Variants in EYS observed in about 807,000 individuals in gnomAD.
The protein encoded by EYS is protein eyes shut homolog.
Under a neutral mutation model 282.1 loss-of-function variants are expected in EYS, and 250 were observed. The observed-to-expected ratio is 0.89, with a 90% CI of 0.80 to 0.98. The LOEUF (loss-of-function observed/expected upper bound fraction) is 0.98, where lower values mean the gene tolerates loss of function less well. Among genes scored for constraint, EYS ranks in the 50% least tolerant of loss-of-function variants. The probability of loss-of-function intolerance (pLI) is 0.00; values close to 1 mark genes in which losing one functional copy is unlikely to be tolerated. For missense variants in EYS, 4,016 were observed against 3,709.0 expected (o/e 1.08, Z -2.15); for synonymous variants, 1,355 against 1,282.9 (o/e 1.06, Z -1.20).
chr6:64,212,101 T>C (rs1407476017), intron 31 of EYS, among the ~76,000 whole-genome samples: 3 of 151,830 alleles, frequency 2.0e-5, no homozygotes, highest in African/African-American at 4.8e-5. Context: ...GGGTAACAGA[T>C]TGGGACTCTG....
intron 28 of EYS, among the ~76,000 whole-genome samples, chr6:64,427,260 T>C (rs79360038): frequency 0.036 from 5,485 of 152,236 alleles, 233 homozygotes; most frequent in African/African-American, 0.1. Flanking sequence ...TTTATTGACA[T>C]GCAGTGATCA....
At chr6:65,480,658 C>T (rs1056733796) in intron 5 of EYS, among the ~76,000 whole-genome samples, 2 of 151,990 alleles carry the variant, frequency 1.3e-5, no homozygotes, top group African/African-American at 4.8e-5. Context: ...AGCTGAACCC[C>T]CATATTTATT....
At chr6:65,634,513 T>G (rs559539428) in intron 2 of EYS, among the ~76,000 whole-genome samples, 2 of 152,288 alleles carry the variant, frequency 1.3e-5, no homozygotes, top group Non-Finnish European at 2.9e-5. Context: ...TATACAGTGT[T>G]TATGTGATGA....
At chr6:64,329,026 T>C (rs1167505094) in intron 29 of EYS, among the ~76,000 whole-genome samples, 1 of 152,090 alleles carries the variant, frequency 6.6e-6, no homozygotes, top group African/African-American at 2.4e-5. Context: ...AAATCAGACA[T>C]GGATTTAATC....
intron 21 of EYS, among the ~76,000 whole-genome samples, chr6:64,819,077 T>C (rs531320207): frequency 1.6e-4 from 25 of 152,288 alleles, no homozygotes; most frequent in African/African-American, 5.8e-4. Flanking sequence ...TCCATTTTTC[T>C]TGCCTCTTTA....
intron 15 of EYS, among the ~76,000 whole-genome samples, chr6:64,930,070 T>C (rs1768660215): frequency 6.6e-6 from 1 of 152,162 alleles, no homozygotes; most frequent in Admixed American, 6.6e-5. Context: ...ACTGAATCTG[T>C]CCAAAAGATA....
At chr6:65,018,713 T>G (rs887800493) in intron 13 of EYS, among the ~76,000 whole-genome samples, 5 of 151,908 alleles carry the variant, frequency 3.3e-5, no homozygotes, top group African/African-American at 9.7e-5. Flanking sequence ...GTTTAGAAGT[T>G]TTTTTTTAAA....
chr6:65,130,858 G>C (rs1282464417), intron 12 of EYS, among the ~76,000 whole-genome samples: 2 of 148,634 alleles, frequency 1.3e-5, no homozygotes, highest in Non-Finnish European at 3.0e-5. Context: ...TAATTAATAA[G>C]TTGTTTTTAA....
At chr6:64,610,862 G>A (rs547914561) in intron 24 of EYS, among the ~76,000 whole-genome samples, 10 of 152,058 alleles carry the variant, frequency 6.6e-5, no homozygotes, top group African/African-American at 2.4e-4. Flanking sequence ...TAATATTTAT[G>A]TCTTTATTCT....
chr6:65,637,904 T>G (rs554007376), intron 2 of EYS, among the ~76,000 whole-genome samples: 2 of 152,214 alleles, frequency 1.3e-5, no homozygotes, highest in East Asian at 3.9e-4. Flanking sequence ...AGCATGTTGA[T>G]GGTGGCAAGA....
chr6:65,073,472 G>C (rs773504130), intron 12 of EYS, among the ~76,000 whole-genome samples: 29 of 151,664 alleles, frequency 1.9e-4, no homozygotes, highest in South Asian at 4.2e-4. Context: ...TATGAGAATA[G>C]GTAGTGTGCA....
At chr6:64,721,397 T>C (rs187634783) in intron 22 of EYS, among the ~76,000 whole-genome samples, 1 of 152,018 alleles carries the variant, frequency 6.6e-6, no homozygotes, top group Admixed American at 6.5e-5. Flanking sequence ...AGGTGAGAGA[T>C]AAAGACTCAA....
chr6:63,825,481 A>G (rs1342534712), intron 36 of EYS, among the ~76,000 whole-genome samples: 1 of 152,212 alleles, frequency 6.6e-6, no homozygotes, highest in Non-Finnish European at 1.5e-5. Context: ...AAGGACCCTC[A>G]CAGAGTCCAT....
At chr6:65,686,152 T>G (rs755371488) in intron 1 of EYS, among the ~76,000 whole-genome samples, 3 of 152,028 alleles carry the variant, frequency 2.0e-5, no homozygotes, top group Non-Finnish European at 1.5e-5. Context: ...ACTGAAAACC[T>G]AATCCTTTCT....
intron 14 of EYS, among the ~76,000 whole-genome samples, chr6:64,963,629 A>C (rs1769999189): frequency 6.6e-6 from 1 of 152,156 alleles, no homozygotes; most frequent in South Asian, 2.1e-4. Flanking sequence ...CCAAGTGGTA[A>C]ATTAGTGAGG....
At chr6:65,108,956 T>C (rs1775125732) in intron 12 of EYS, among the ~76,000 whole-genome samples, 1 of 152,106 alleles carries the variant, frequency 6.6e-6, no homozygotes, top group African/African-American at 2.4e-5. Flanking sequence ...CTTTCTACTC[T>C]GCCATGTGCA....
chr6:64,031,068 GA>G (rs1300058870), intron 33 of EYS, among the ~76,000 whole-genome samples: 5 of 152,224 alleles, frequency 3.3e-5, no homozygotes, highest in Non-Finnish European at 5.9e-5. Flanking sequence ...AGCACATGGG[GA>G]GCTTCAGCCC....
At chr6:65,099,465 T>C (rs983679999) in intron 12 of EYS, among the ~76,000 whole-genome samples, 1 of 150,640 alleles carries the variant, frequency 6.6e-6, no homozygotes. Context: ...AGAAGAATAA[T>C]TAAAAAGAAA....
intron 12 of EYS, among the ~76,000 whole-genome samples, chr6:65,149,089 TC>T (rs1044620913): frequency 2.0e-5 from 3 of 152,128 alleles, no homozygotes; most frequent in African/African-American, 7.2e-5. Flanking sequence ...GGAGACATTT[TC>T]CCCATTATCC....
Sources: allele counts gnomAD v4.1 joint callset (sites outside exome capture counted in the v4.1 genomes callset), GRCh38; gene constraint gnomAD v4.1.1; transcripts MANE v1.5; gene names NCBI Gene and HGNC (gene_info 2026-07-23, HGNC 2026-07-21).